SEC14L5: variants seen among roughly 807,000 people sequenced by gnomAD.
The protein encoded by SEC14L5 is SEC14-like protein 5.
A neutral mutation model predicts 84.6 loss-of-function variants in SEC14L5; 96 were observed. The ratio of observed to expected loss-of-function variants is 1.13; its 90% confidence interval spans 0.96 to 1.34. SEC14L5 has a LOEUF of 1.34. SEC14L5 is among the 40% of genes most tolerant of loss of function. The pLI is 0.00. For synonymous variants in SEC14L5, 546 were observed against 383.4 expected (o/e 1.42, Z -4.95); for missense variants, 1,224 against 942.5 (o/e 1.30, Z -3.91).
At chr16:5,013,714 A>G (rs1204174607) in intron 15 of SEC14L5, among the ~76,000 whole-genome samples, 1 of 151,610 alleles carries the variant, frequency 6.6e-6, no homozygotes, top group East Asian at 1.9e-4. Context: ...GCGTACCACC[A>G]CCCCTGGCTA....
chr16:5,014,955 C>T lies in SEC14L5; in HGVS notation c.2076C>T (p.Ser692=), dbSNP rs748794647. ...SSSSGQSHSS[S]LVSR ...CCTCCGGCCAGTCTCATAGCAGCTC[C>T]CTGGTCTCCAGATAGCCGGGCCCAG... Residue 692 remains serine, a synonymous_variant, in exon 16 of 16, where the codon TCC becomes TCT. Coordinates refer to ENST00000251170, the MANE Select transcript of SEC14L5 (RefSeq NM_014692.2). The T allele has an allele frequency of 5.2e-5, 83 of 1,610,924 alleles. No homozygotes were observed. In the East Asian group the frequency reaches 8.0e-4, roughly 16 times the overall value.
In SEC14L5 at chr16:5,014,916, C is replaced by T. The variant is rs2012649; in HGVS notation, c.2037C>T (p.Ala679=). 0.24 allele frequency: 391,037 copies of T among 1,612,806 alleles called. 51,685 individuals carry two copies. The highest frequency in any genetic ancestry group is 0.36 in the Admixed American group (21,795 of 60,000). ...CTSGFSQLSA[A]TSSSSSGQSH... is the part of the protein sequence containing the mutation. ...GCGGCTTCTCCCAGCTCAGCGCCGC[C>T]ACCTCGTCCTCCTCCTCCGGCCAGT... The change falls in exon 16 of 16, where the codon GCC becomes GCT. Residue 679 remains alanine (A), a synonymous_variant. Transcript: ENST00000251170.
At chr16:5,013,316 A>G (rs888149621) in intron 15 of SEC14L5, among the ~76,000 whole-genome samples, 1 of 152,164 alleles carries the variant, frequency 6.6e-6, no homozygotes, top group Non-Finnish European at 1.5e-5. Flanking sequence ...GGGTGGGGGA[A>G]GTAATATGGA....
intron 4 of SEC14L5, among the ~76,000 whole-genome samples, chr16:4,989,749 A>C (rs1468078726): frequency 6.6e-6 from 1 of 152,180 alleles, no homozygotes; most frequent in African/African-American, 2.4e-5. Context: ...ACAGTTGTTG[A>C]AACCCCTCTT....
At chr16:4,999,142 C>T (rs1480682739) in intron 8 of SEC14L5, among the ~76,000 whole-genome samples, 2 of 152,142 alleles carry the variant, frequency 1.3e-5, no homozygotes, top group African/African-American at 2.4e-5. Flanking sequence ...AATGCCTCTT[C>T]GTGTAGTGCA....
intron 6 of SEC14L5, 69 bp from the exon 7 acceptor site, chr16:4,996,279 C>G (rs1326226275): frequency 1.1e-6 from 1 of 946,276 alleles, no homozygotes. Flanking sequence ...TAAGGAATGG[C>G]ACACAGACCA....
intron 15 of SEC14L5, among the ~76,000 whole-genome samples, chr16:5,011,696 C>A (rs751326203): frequency 6.6e-6 from 1 of 152,188 alleles, no homozygotes; most frequent in Non-Finnish European, 1.5e-5. Flanking sequence ...ATGGTTAAGA[C>A]CTCCAGCACT....
intron 2 of SEC14L5, among the ~76,000 whole-genome samples, chr16:4,986,798 T>C (rs1955492163): frequency 6.6e-6 from 1 of 152,236 alleles, no homozygotes; most frequent in African/African-American, 2.4e-5. Context: ...ATGTTGTAAA[T>C]AGAATTTTTT....
chr16:4,970,013 T>C (rs1955255937), intron 2 of SEC14L5, among the ~76,000 whole-genome samples: 1 of 152,146 alleles, frequency 6.6e-6, no homozygotes, highest in Non-Finnish European at 1.5e-5. Context: ...AGAAGGGTTT[T>C]TACCATGTTG....
rs115867917 is a variant in SEC14L5 at position 5,012,585 on chromosome 16, G to C, written c.1979+1312G>C. Among the ~76,000 whole-genome samples, 939 of 152,310 alleles carry C rather than the reference G, an allele frequency of 6.2e-3. 10 individuals carry two copies. The highest frequency in any genetic ancestry group is 0.021 in the African/African-American group (856 of 41,564). On this transcript the variant is annotated intron_variant, in intron 15 of 15. Transcript: ENST00000251170. ...TGGATGCCATGGCCAAGGCCACTGT[G>C]TTAGTCCGTTTCCACACTGTGAGAA...
rs1555530444 is a variant in SEC14L5, at chr16:4,998,003, C to CCTTTTTTTTTTTTTTTTTT, written c.970+959_970+960insCTTTTTTTTTTTTTTTTTT. Among the ~76,000 whole-genome samples, 2 of 77,896 alleles carry CCTTTTTTTTTTTTTTTTTT rather than the reference C, an allele frequency of 2.6e-5. 1 individual carries two copies. 51.1% of individuals were successfully genotyped at this position (77,896 alleles called of 152,430 possible). A position where few individuals can be genotyped will look rare whatever the true frequency, so the allele number is the denominator to read the frequency against. On this transcript the variant is annotated intron_variant, in intron 8 of 15. Transcript: ENST00000251170. ...AATTACACCTGCACAGACTCTAGTT[C>CCTTTTTTTTTTTTTTTTTT]TTTTTTTTTTTTTTTTTTGAGACAG...
At chr16:5,005,256 A>G (rs1054027403) in intron 11 of SEC14L5, among the ~76,000 whole-genome samples, 13 of 151,774 alleles carry the variant, frequency 8.6e-5, no homozygotes, top group African/African-American at 3.1e-4. Context: ...TGCAGCTTGC[A>G]GTGAGCCAAG....
At chr16:4,959,449 G>A in intron 2 of SEC14L5, 63 bp downstream of exon 2, 3 of 1,380,334 alleles carry the variant, frequency 2.2e-6, no homozygotes. Flanking sequence ...ATCAGCTATG[G>A]CGGTAGGAAG....
chr16:4,977,743 T>A (rs1596620218), intron 2 of SEC14L5, among the ~76,000 whole-genome samples: 1 of 152,032 alleles, frequency 6.6e-6, no homozygotes, highest in African/African-American at 2.4e-5. Flanking sequence ...CTAGGTAAGG[T>A]CCCTCTCCAC....
At chr16:5,005,817 TC>T in intron 11 of SEC14L5, 96 bp from the exon 12 acceptor site, 1 of 1,224,808 alleles carries the variant, frequency 8.2e-7, no homozygotes, top group Non-Finnish European at 1.1e-6. Context: ...TGAGCCAAGA[TC>T]ATGCCACTGC....
intron 4 of SEC14L5, among the ~76,000 whole-genome samples, chr16:4,989,673 A>C (rs1272518604): frequency 6.6e-6 from 1 of 152,030 alleles, no homozygotes; most frequent in African/African-American, 2.4e-5. Flanking sequence ...CTACGCCTCC[A>C]ACTCCTCTTG....
At position 4,991,901 on chromosome 16, in the gene SEC14L5, C is replaced by A. The variant is rs774706819; in HGVS notation, c.538C>A (p.Arg180Ser). 1 of 1,608,880 alleles carries A rather than the reference C, an allele frequency of 6.2e-7. No homozygotes were observed. ...CTCCCAGGGTACCTCGCACATTCCG[C>A]GCTGGACGCCTGCCCCAGTCCGTGA... The part of the protein sequence containing the change: ...LISQGTSHIP[R>S]WTPAPVREED... The change falls in exon 6 of 16, where the codon CGC (arginine) becomes AGC (serine). Residue 180 changes from arginine to serine, a missense_variant. Transcript: ENST00000251170.
At chr16:4,973,943 C>A (rs1477063715) in intron 2 of SEC14L5, among the ~76,000 whole-genome samples, 3 of 152,038 alleles carry the variant, frequency 2.0e-5, no homozygotes, top group Non-Finnish European at 4.4e-5. Context: ...TGAGGCCTCC[C>A]AAAGTGCTGG....
chr16:4,983,429 ATTTATTTATATTCTATCTATG>A (rs910170102), intron 2 of SEC14L5, among the ~76,000 whole-genome samples: 11 of 145,394 alleles, frequency 7.6e-5, no homozygotes, highest in Admixed American at 4.1e-4. Flanking sequence ...TATGATCTAT[ATTTATTTATATTCTATCTATG>A]TTTATAAAAT....
Sources: gnomAD v4.1 joint callset for allele counts (sites outside exome capture counted in the v4.1 genomes callset) on GRCh38, gnomAD v4.1.1 for gene constraint, MANE v1.5 for transcripts, NCBI Gene and HGNC (gene_info 2026-07-23, HGNC 2026-07-21) for gene names.